EVPL: variants seen among roughly 807,000 people sequenced by gnomAD.
The protein encoded by EVPL is envoplakin.
Under a neutral mutation model 129.7 loss-of-function variants are expected in EVPL, and 94 were observed. The ratio of observed to expected loss-of-function variants is 0.72; its 90% CI spans 0.61 to 0.86. The LOEUF is 0.86. EVPL is among the 40% of genes least tolerant of loss of function. EVPL has a pLI of 0.00. For synonymous variants in EVPL, 1,172 were observed against 1,191.1 expected, an observed-to-expected ratio of 0.98 and a Z score of 0.33; for missense variants, 2,625 against 2,721.1, an observed-to-expected ratio of 0.96 and a Z score of 0.79.
chr17:76,025,173 T>C (rs1470518192), intron 1 of EVPL, among the ~76,000 whole-genome samples: 3 of 152,196 alleles, frequency 2.0e-5, no homozygotes, highest in Admixed American at 1.3e-4. Flanking sequence ...GGGATTTTAA[T>C]AAAAATATCT....
In EVPL at chr17:76,018,999, C is replaced by T. The variant is rs758618187; in HGVS notation, c.1199G>A (p.Arg400Gln). Residue 400 changes from arginine (R) to glutamine (Q), a missense_variant, in exon 11 of 22, where the codon CGG becomes CAG. Transcript: ENST00000301607. ...TCGCTGTGGCAGAGGGGCCACATCCCGGCTTCGCCGCTGCAGGTCCCCAGT... is the reference window on the plus strand; with the variant it reads ...TCGCTGTGGCAGAGGGGCCACATCCTGGCTTCGCCGCTGCAGGTCCCCAGT... ...RATGDLQRRS[R>Q]DVAPLPQRRN... 20 of 1,567,550 alleles carry T rather than the reference C, an allele frequency of 1.3e-5. No individual in the cohort carries two copies. In the Admixed American group the frequency reaches 1.9e-4, roughly 15 times the overall value.
intron 18 of EVPL, chr17:76,012,300 C>T: frequency 8.8e-6 from 4 of 456,388 alleles, no homozygotes; most frequent in Non-Finnish European, 1.5e-5. Flanking sequence ...TGGCAGAATC[C>T]CTTTCTTTCC....
Position 76,008,498 on chromosome 17 carries a change from C to G in EVPL, c.4707G>C (p.Thr1569=), listed in dbSNP as rs776277179. The change falls in exon 22 of 22, where the codon ACG becomes ACC. Residue 1569 remains threonine, a synonymous_variant. Transcript: ENST00000301607. This position sits in a 1 kb window ranked among gnomAD's most constrained non-coding sequence, Gnocchi z 7.4. The stretch of plus-strand genomic sequence containing the variant: ...CCTCCCGGGACCAGGTTCTCCCCAG[C>G]GTCTCGGCCCGGTCAATGCGCTCCC... ...RLRERIDRAE[T]LGRTWSREES... 1 of 1,602,126 alleles carries G rather than the reference C, an allele frequency of 6.2e-7. No individual in the cohort carries two copies. The highest frequency in any genetic ancestry group is 1.1e-5 in the South Asian group (1 of 90,536).
In EVPL at chr17:76,027,275, G is replaced by A; in HGVS notation, c.-77C>T. On this transcript the variant is annotated 5_prime_UTR_variant, in exon 1 of 22. Transcript: ENST00000301607. ...CAGGAGGGCAGGTGGGAGGCAGCGG[G>A]CGTCCTCACTGGCTGGTCAGCTAAG... 3 of 1,054,680 alleles carry A rather than the reference G, an allele frequency of 2.8e-6. No individual in the cohort carries two copies. The highest frequency in any genetic ancestry group is 1.6e-5 in the African/African-American group (1 of 63,648). 65.3% of individuals were successfully genotyped at this position (1,054,680 alleles called of 1,614,324 possible).
chr17:76,012,078 C>G lies in EVPL; in HGVS notation c.2385G>C (p.Gln795His). ...TGTCCCGCTCTCGGCTCTGGATCTC[C>G]TGCGTCAGCCTCTGCCAGGGAAGAA... is the stretch of plus-strand genomic sequence containing the variant. ...YKLQAQKRLT[Q>H]EIQSRERDRA... Residue 795 changes from glutamine (Q) to histidine (H), a missense_variant, in exon 19 of 22, where the codon CAG (glutamine) becomes CAC (histidine). Gln to His is a conservative substitution (Grantham distance 24, BLOSUM62 0). Coordinates refer to ENST00000301607, the MANE Select transcript of EVPL (RefSeq NM_001988.4). The G allele has an allele frequency of 1.2e-6, 2 of 1,610,470 alleles. No homozygotes were observed. The highest frequency in any genetic ancestry group is 2.2e-5 in the South Asian group (2 of 90,472).
At chr17:76,017,992 G>T in intron 13 of EVPL, 81 bp from the exon 14 acceptor site, 1 of 1,582,296 alleles carries the variant, frequency 6.3e-7, no homozygotes, top group Non-Finnish European at 8.6e-7. Context: ...GCCCACAGAG[G>T]GTCCTGTCGG....
intron 13 of EVPL, 26 bp from the exon 14 acceptor site, chr17:76,017,937 C>A (rs1222970461): frequency 1.2e-6 from 2 of 1,611,902 alleles, no homozygotes; most frequent in Non-Finnish European, 1.7e-6. Context: ...CTGGTGAGGG[C>A]CCAGGGCCTA....
intron 9 of EVPL, among the ~76,000 whole-genome samples, chr17:76,020,613 C>CA (rs2066450780): frequency 3.6e-5 from 3 of 83,240 alleles, no homozygotes; most frequent in Admixed American, 2.1e-4. Flanking sequence ...GTTTCTCAAC[C>CA]GTTTTTTTTT....
chr17:76,021,307 C>T (rs1470486979), intron 9 of EVPL, among the ~76,000 whole-genome samples, 161 bp downstream of exon 9: 1 of 152,260 alleles, frequency 6.6e-6, no homozygotes, highest in East Asian at 1.9e-4. Flanking sequence ...CCACCAGCCT[C>T]GGCCTCCCAA....
chr17:76,016,635 C>T lies in EVPL; in HGVS notation c.1711-1007G>A, dbSNP rs555602174. 6.6e-5 allele frequency among the ~76,000 whole-genome samples: 10 copies of T among 151,936 alleles called. No individual in the cohort carries two copies. The South Asian group carries it at 2.1e-3, about 32-fold the overall frequency. On this transcript the variant is annotated intron_variant, in intron 14 of 21. Transcript: ENST00000301607. ...CGTCTCAAAATAATAATAATATGGCCAAGTGCAGTAGCTCATGCCTGTAAT... is the reference window on the plus strand; with the variant it reads ...CGTCTCAAAATAATAATAATATGGCTAAGTGCAGTAGCTCATGCCTGTAAT...
Position 76,017,760 on chromosome 17 carries a change from C to G in EVPL, c.1689G>C (p.Glu563Asp). Residue 563 changes from glutamate to aspartate, a missense_variant, in exon 14 of 22, where the codon GAG becomes GAC. By Grantham distance (45) the Glu-to-Asp change is conservative (BLOSUM62 2). This residue lies in a region of EVPL where 1,024 missense variants were observed against 997.5 expected (regional missense o/e 1.03). Coordinates refer to ENST00000301607, the MANE Select transcript of EVPL (RefSeq NM_001988.4). ...CCACCTCATGGCTGTGGATGCGGCC[C>G]TCCAAGTCCTCCAAGGGTGTGGGGC... ...LSRPTPLEDL[E>D]GRIHSHEGTA... 6.2e-7 allele frequency: 1 copy of G among 1,612,712 alleles called. No homozygotes were observed. Among genetic ancestry groups the G allele is most frequent in the Non-Finnish European group, 8.5e-7 (1 of 1,179,924 alleles).
Position 76,027,259 on chromosome 17 carries a change from A to T in EVPL, c.-61T>A. 2 of 1,253,654 alleles carry T rather than the reference A, an allele frequency of 1.6e-6. No individual in the cohort carries two copies. Among genetic ancestry groups the T allele is most frequent in the Non-Finnish European group, 2.3e-6 (2 of 859,102 alleles). The allele number at this position is 1,253,654 out of a possible 1,614,324, so 77.7% of individuals were successfully genotyped here. On this transcript the variant is annotated 5_prime_UTR_variant, in exon 1 of 22. Coordinates refer to ENST00000301607, the MANE Select transcript of EVPL (RefSeq NM_001988.4). ...GGCTGGCGAAAGACGGCAGGAGGGCAGGTGGGAGGCAGCGGGCGTCCTCAC... is the reference window on the plus strand; with the variant it reads ...GGCTGGCGAAAGACGGCAGGAGGGCTGGTGGGAGGCAGCGGGCGTCCTCAC...
In EVPL at chr17:76,023,661, G is replaced by T; in HGVS notation, c.199-7C>A. The T allele has an allele frequency of 6.5e-7, 1 of 1,548,774 alleles. No individual in the cohort carries two copies. ...GCTCACTGTTCAGCCGGTCCTGTGG[G>T]CAGGAGATGGGCAGACTGGCCAGGG... is the stretch of plus-strand genomic sequence containing the variant. On this transcript the variant is annotated splice_polypyrimidine_tract_variant and splice_region_variant and intron_variant, in intron 2 of 21. Coordinates refer to ENST00000301607, the MANE Select transcript of EVPL (RefSeq NM_001988.4).
chr17:76,021,594 A>ACC (rs1598243357), intron 8 of EVPL, 31 bp from the exon 9 acceptor site: 3 of 1,438,616 alleles, frequency 2.1e-6, no homozygotes, highest in East Asian at 2.7e-5. Flanking sequence ...CCCTCGGACC[A>ACC]CGCCCCCCCC....
rs1176813895 is a variant in EVPL, at chr17:76,008,302, C to A, written c.4903G>T (p.Gly1635Cys). 10 of 1,609,712 alleles carry A rather than the reference C, an allele frequency of 6.2e-6. No individual in the cohort carries two copies. Among genetic ancestry groups the A allele is most frequent in the Non-Finnish European group, 6.8e-6 (8 of 1,179,940 alleles). The change falls in exon 22 of 22, where the codon GGC (glycine) becomes TGC (cysteine). Residue 1635 changes from glycine (G) to cysteine (C), a missense_variant. Coordinates refer to ENST00000301607, the MANE Select transcript of EVPL (RefSeq NM_001988.4). The surrounding 1 kb of genome is among the most constrained non-coding windows in gnomAD (Gnocchi z 7.4). Reference protein sequence around the residue: ...ESERQKAAQRGQELSRLEAAI... With the variant: ...ESERQKAAQRCQELSRLEAAI... ...GCCTCCAGCCGCGAGAGCTCCTGGC[C>A]CCGCTGGGCCGCCTTCTGTCGCTCG...
In EVPL at chr17:76,014,998, A is replaced by C; in HGVS notation, c.2140T>G (p.Cys714Gly). 3 of 1,596,926 alleles carry C rather than the reference A, an allele frequency of 1.9e-6. No individual in the cohort carries two copies. The highest frequency in any genetic ancestry group is 2.2e-5 in the South Asian group (2 of 90,932). ...AALQNNFQEF[C>G]QDLPRQQRQV... ...CGCTGCTGGCGAGGCAGGTCTTGGC[A>C]GAACTCCTGGAAGTTGTTCTGCAGG... Residue 714 changes from cysteine (C) to glycine (G), a missense_variant, in exon 17 of 22, where the codon TGC becomes GGC. Physicochemically the swap from Cys to Gly is radical, Grantham distance 159. Transcript: ENST00000301607.
In EVPL at chr17:76,008,227, G is replaced by A. The variant is rs199708458; in HGVS notation, c.4978C>T (p.Arg1660Trp). The A allele has an allele frequency of 1.7e-5, 28 of 1,613,768 alleles. No homozygotes were observed. The highest frequency in any genetic ancestry group is 1.6e-4 in the Middle Eastern group (1 of 6,084). ...CGGCTCACCTTGGCGTGGAGGTCCC[G>A]GAGCGTCCGCTCCTTCTCGTAGATC... ...DQIYEKERTL[R>W]DLHAKVSREE... Residue 1660 changes from arginine (R) to tryptophan (W), a missense_variant, in exon 22 of 22, where the codon CGG becomes TGG. Around this residue, in one of 4 missense-constraint regions of EVPL, gnomAD observed 1,453 missense variants for 1,511.8 expected, o/e 0.96. Coordinates refer to ENST00000301607, the MANE Select transcript of EVPL (RefSeq NM_001988.4). The surrounding 1 kb of genome is among the most constrained non-coding windows in gnomAD (Gnocchi z 7.4).
At chr17:76,012,673 T>C (rs1468049824) in intron 18 of EVPL, among the ~76,000 whole-genome samples, 3 of 151,880 alleles carry the variant, frequency 2.0e-5, no homozygotes, top group Non-Finnish European at 4.4e-5. Flanking sequence ...CAGGCAGGCA[T>C]GCAGGGCCCA....
chr17:76,018,004 G>A, intron 13 of EVPL, 93 bp from the exon 14 acceptor site: 2 of 1,571,658 alleles, frequency 1.3e-6, no homozygotes, highest in Admixed American at 1.8e-5. Flanking sequence ...TCCTGTCGGG[G>A]TAGGGTGGAG....
Sources: gnomAD v4.1 joint callset for allele counts (sites outside exome capture counted in the v4.1 genomes callset) on GRCh38, gnomAD v4.1.1 for gene constraint, gnomAD v4.1.1 regional missense constraint, Gnocchi (gnomAD v3.1) non-coding constraint, MANE v1.5 for transcripts, NCBI Gene and HGNC (gene_info 2026-07-23, HGNC 2026-07-21) for gene names.